The following WWP1 variants were observed in gnomAD, a reference collection of about 807,000 sequenced individuals.
WWP1 encodes WW domain containing E3 ubiquitin protein ligase 1, also known as NEDD4-like E3 ubiquitin-protein ligase WWP1.
In WWP1, 49 loss-of-function variants were observed where a neutral mutation model predicts 130.6. That is an observed-to-expected ratio of 0.38 (90% confidence interval 0.30 to 0.48). The LOEUF (loss-of-function observed/expected upper bound fraction) is 0.48, where lower values mean the gene tolerates loss of function less well. WWP1 is among the 20% of genes least tolerant of loss of function. WWP1 has a pLI of 0.99. For synonymous variants in WWP1, 332 were observed against 367.8 expected (o/e 0.90, Z 1.11); for missense variants, 809 against 1,100.6 (o/e 0.74, Z 3.75).
At chr8:86,358,007 G>A (rs557836985) in intron 1 of WWP1, among the ~76,000 whole-genome samples, 96 of 152,152 alleles carry the variant, frequency 6.3e-4, no homozygotes, top group African/African-American at 2.2e-3. Context: ...TTAAACTTTT[G>A]GGGTCTAATG....
rs756151238 is a variant in WWP1 at position 86,467,025 on chromosome 8, C to G, written c.*132C>G. ...AACCTCTCAAAGTATGTTTTCCGTTCTTCCACAGAAATATGCAAAACAGTT... is the reference window on the plus strand; with the variant it reads ...AACCTCTCAAAGTATGTTTTCCGTTGTTCCACAGAAATATGCAAAACAGTT... On this transcript the variant is annotated 3_prime_UTR_variant, in exon 25 of 25. Transcript: ENST00000517970. The G allele has an allele frequency of 1.4e-4, 92 of 668,578 alleles. No homozygotes were observed. Among genetic ancestry groups the G allele is most frequent in the Non-Finnish European group, 2.1e-4 (82 of 388,386 alleles). 41.4% of individuals were successfully genotyped at this position (668,578 alleles called of 1,614,324 possible). A position where few individuals can be genotyped will look rare whatever the true frequency, so the allele number is the denominator to read the frequency against.
chr8:86,384,977 T>TTA (rs202221570), intron 5 of WWP1, among the ~76,000 whole-genome samples: 2,849 of 151,546 alleles, frequency 0.019, 40 homozygotes, highest in Non-Finnish European at 0.03. Flanking sequence ...TGAGCCAAGA[T>TTA]TATACCACTG....
intron 8 of WWP1, among the ~76,000 whole-genome samples, chr8:86,407,352 G>A (rs1295614838): frequency 1.3e-5 from 2 of 152,188 alleles, no homozygotes; most frequent in East Asian, 3.9e-4. Context: ...AGGTGGATGG[G>A]CACATAGGTA....
intron 1 of WWP1, among the ~76,000 whole-genome samples, chr8:86,352,938 T>TA (rs755444915): frequency 2.0e-5 from 3 of 152,206 alleles, no homozygotes; most frequent in Non-Finnish European, 4.4e-5. Flanking sequence ...TAATTCTTTT[T>TA]AAAAAATGCC....
chr8:86,461,465 C>T, intron 23 of WWP1, 145 bp downstream of exon 23: 1 of 720,858 alleles, frequency 1.4e-6, no homozygotes, highest in Non-Finnish European at 2.3e-6. Context: ...AAATGAGTGG[C>T]TAATATCAAA....
At chr8:86,413,801 C>T (rs1024444177) in intron 9 of WWP1, among the ~76,000 whole-genome samples, 1 of 152,138 alleles carries the variant, frequency 6.6e-6, no homozygotes, top group African/African-American at 2.4e-5. Context: ...GAAGTTTTTT[C>T]TGAAAACCAC....
chr8:86,357,819 G>A (rs887616086), intron 1 of WWP1, among the ~76,000 whole-genome samples: 1 of 152,164 alleles, frequency 6.6e-6, no homozygotes, highest in Non-Finnish European at 1.5e-5. Flanking sequence ...ACACAAATAA[G>A]TATTGGTGGA....
At chr8:86,445,661 G>C (rs1810821608) in intron 18 of WWP1, among the ~76,000 whole-genome samples, 1 of 152,072 alleles carries the variant, frequency 6.6e-6, no homozygotes, top group Admixed American at 6.5e-5. Flanking sequence ...TTTTCCTCTG[G>C]ATATCTATAC....
Position 86,383,947 on chromosome 8 carries a change from T to A in WWP1, c.334+2318T>A, listed in dbSNP as rs149116827. On this transcript the variant is annotated intron_variant, in intron 5 of 24. Transcript: ENST00000517970. ...ACAAAATACCACAGACTGGGTGCCT[T>A]AATGGAAATTGATTTTCTCACATAT... Among the ~76,000 whole-genome samples the A allele has an allele frequency of 3.1e-3, 469 of 152,306 alleles. 2 individuals are homozygous for A. Among genetic ancestry groups the A allele is most frequent in the African/African-American group, 0.011 (447 of 41,560 alleles).
At chr8:86,392,658 T>C (rs914558360) in intron 5 of WWP1, among the ~76,000 whole-genome samples, 4 of 152,216 alleles carry the variant, frequency 2.6e-5, no homozygotes, top group African/African-American at 9.6e-5. Flanking sequence ...AAATTTGGTT[T>C]TATTTTATAA....
chr8:86,460,902 C>T (rs532504866), intron 22 of WWP1, among the ~76,000 whole-genome samples: 39 of 147,206 alleles, frequency 2.6e-4, no homozygotes, highest in African/African-American at 9.0e-4. Context: ...CTCCACCTCC[C>T]GGGTTCACGC....
rs1812243541 is a variant in WWP1 at position 86,467,517 on chromosome 8, T to TGGATAGAAC, written c.*625_*633dup. The TGGATAGAAC allele has an allele frequency of 6.6e-6, 1 of 152,600 alleles. No homozygotes were observed. The highest frequency in any genetic ancestry group is 2.4e-5 in the African/African-American group (1 of 41,432). 9.5% of individuals were successfully genotyped at this position (152,600 alleles called of 1,614,324 possible). On this transcript the variant is annotated 3_prime_UTR_variant, in exon 25 of 25. Transcript: ENST00000517970. ...TACATCAGTAATATTGTTAAAGTAA[T>TGGATAGAAC]GGATAGAACCATAACTTACACATGA...
Position 86,432,688 on chromosome 8 carries a change from A to G in WWP1, c.1601+945A>G, listed in dbSNP as rs558694869. ...AATGATGCGATGTCAGCTCACTGCA[A>G]CCTCCACCTCCTGGGTTCAAGCGAT... On this transcript the variant is annotated intron_variant, in intron 14 of 24. Transcript: ENST00000517970. Among the ~76,000 whole-genome samples the G allele has an allele frequency of 2.1e-3, 313 of 151,822 alleles. 3 individuals are homozygous for G. Among genetic ancestry groups the G allele is most frequent in the Non-Finnish European group, 2.7e-3 (186 of 67,930 alleles).
At chr8:86,438,920 CAGTT>C (rs979662790) in intron 17 of WWP1, among the ~76,000 whole-genome samples, 28 of 151,966 alleles carry the variant, frequency 1.8e-4, no homozygotes, top group East Asian at 3.9e-4. Context: ...CTTTTTTTAA[CAGTT>C]AATCATACAA....
intron 1 of WWP1, among the ~76,000 whole-genome samples, chr8:86,354,355 G>A (rs890798017): frequency 6.6e-6 from 1 of 152,158 alleles, no homozygotes; most frequent in Non-Finnish European, 1.5e-5. Context: ...CCTGTAGTTT[G>A]TTTGGCAAAT....
Position 86,374,031 on chromosome 8 carries a change from T to G in WWP1, c.-20T>G. The G allele has an allele frequency of 6.3e-7, 1 of 1,597,372 alleles. No individual in the cohort carries two copies. Among genetic ancestry groups the G allele is most frequent in the Non-Finnish European group, 8.5e-7 (1 of 1,174,746 alleles). On this transcript the variant is annotated splice_region_variant and 5_prime_UTR_variant, in exon 3 of 25. Coordinates refer to ENST00000517970, the MANE Select transcript of WWP1 (RefSeq NM_007013.4). ...ATAAATTCCCCTTTTTTAAAATAGGTTTTAGCTGAATTTTGGGACATGGCC... is the reference window on the plus strand; with the variant it reads ...ATAAATTCCCCTTTTTTAAAATAGGGTTTAGCTGAATTTTGGGACATGGCC...
chr8:86,401,011 GTT>G (rs79904046), intron 7 of WWP1, among the ~76,000 whole-genome samples: 1 of 137,008 alleles, frequency 7.3e-6, no homozygotes. Flanking sequence ...AACTTTTTTT[GTT>G]TTTTTTTTTT....
rs185706531 is a variant in WWP1 at position 86,389,367 on chromosome 8, T to A, written c.334+7738T>A. On this transcript the variant is annotated intron_variant, in intron 5 of 24. Coordinates refer to ENST00000517970, the MANE Select transcript of WWP1 (RefSeq NM_007013.4). ...AGGGAGTGTGATGACTCTTAACGAGTATGCTGCCTTCAAGCATCTGTTTAA... is the reference window on the plus strand; with the variant it reads ...AGGGAGTGTGATGACTCTTAACGAGAATGCTGCCTTCAAGCATCTGTTTAA... 2.0e-5 allele frequency among the ~76,000 whole-genome samples: 3 copies of A among 152,232 alleles called. No individual in the cohort carries two copies. The East Asian group carries it at 5.8e-4, about 29-fold the overall frequency.
At chr8:86,405,100 C>G (rs1487583253) in intron 8 of WWP1, 1 of 152,182 alleles carries the variant, frequency 6.6e-6, no homozygotes, top group African/African-American at 2.4e-5. Context: ...TTGTTCATCA[C>G]TTAATAAAGG....
Sources: allele counts gnomAD v4.1 joint callset (sites outside exome capture counted in the v4.1 genomes callset), GRCh38; gene constraint gnomAD v4.1.1; transcripts MANE v1.5; gene names NCBI Gene and HGNC (gene_info 2026-07-23, HGNC 2026-07-21).